Variants in ELP4 observed in about 807,000 individuals in gnomAD.
ELP4 encodes the protein elongator complex protein 4.
ELP4 carries 51 observed loss-of-function variants against 48.9 expected under a neutral mutation model. The ratio of observed to expected loss-of-function variants is 1.04; its 90% CI spans 0.83 to 1.32. ELP4 has a LOEUF of 1.32. ELP4 is among the 40% of genes most tolerant of loss of function. The probability of loss-of-function intolerance (pLI) is 0.00; values close to 1 mark genes in which losing one functional copy is unlikely to be tolerated. For synonymous variants in ELP4, 210 were observed against 189.2 expected (o/e 1.11, Z -0.90); for missense variants, 519 against 514.6 (o/e 1.01, Z -0.08).
intron 9 of ELP4, among the ~76,000 whole-genome samples, chr11:31,678,539 GTGTA>G (rs1242151294): frequency 0.044 from 3,309 of 75,188 alleles, 61 homozygotes; most frequent in African/African-American, 0.13. Context: ...GTGTGTGTGT[GTGTA>G]TATGTGCATT....
At chr11:31,668,658 G>A (rs988912259) in intron 9 of ELP4, among the ~76,000 whole-genome samples, 5 of 131,326 alleles carry the variant, frequency 3.8e-5, no homozygotes, top group African/African-American at 5.4e-5. Flanking sequence ...ATATCGGAAT[G>A]AAATTTCCTT....
At chr11:31,740,298 A>G (rs1947416456) in intron 9 of ELP4, among the ~76,000 whole-genome samples, 1 of 152,164 alleles carries the variant, frequency 6.6e-6, no homozygotes, top group Non-Finnish European at 1.5e-5. Flanking sequence ...CAGAGGATAG[A>G]TTTTGTTTGG....
chr11:31,786,033 G>A lies in ELP4; in HGVS notation c.*2509G>A, dbSNP rs1243192643. 2 of 204,412 alleles carry A rather than the reference G, an allele frequency of 9.8e-6. No homozygotes were observed. The highest frequency in any genetic ancestry group is 4.6e-5 in the African/African-American group (2 of 43,764). The allele number at this position is 204,412 out of a possible 1,614,324, so 12.7% of individuals were successfully genotyped here. On this transcript the variant is annotated 3_prime_UTR_variant, in exon 10 of 10. Transcript: ENST00000640961. ...ACATGAGATAAATATTTTGACTACTGCAGTTTGCTCAGGTGCTCGGGTTCT... is the reference window on the plus strand; with the variant it reads ...ACATGAGATAAATATTTTGACTACTACAGTTTGCTCAGGTGCTCGGGTTCT...
At chr11:31,748,824 C>A (rs1235893375) in intron 9 of ELP4, among the ~76,000 whole-genome samples, 1 of 151,988 alleles carries the variant, frequency 6.6e-6, no homozygotes, top group South Asian at 2.1e-4. Flanking sequence ...GTGGACATAG[C>A]AAGACCCCAT....
At chr11:31,535,229 A>G (rs1956480711) in intron 2 of ELP4, among the ~76,000 whole-genome samples, 1 of 152,240 alleles carries the variant, frequency 6.6e-6, no homozygotes, top group Admixed American at 6.5e-5. Flanking sequence ...CTAAGAAGGT[A>G]TCTAAACAAC....
chr11:31,697,646 A>G (rs1946438985), intron 9 of ELP4, among the ~76,000 whole-genome samples: 1 of 152,156 alleles, frequency 6.6e-6, no homozygotes, highest in Non-Finnish European at 1.5e-5. Context: ...TGGTACTTAC[A>G]CAACTCATAA....
At chr11:31,583,120 G>A (rs1194839888) in intron 3 of ELP4, among the ~76,000 whole-genome samples, 1 of 152,064 alleles carries the variant, frequency 6.6e-6, no homozygotes, top group Admixed American at 6.6e-5. Context: ...AGGATCTGTA[G>A]GTCTTTATGG....
chr11:31,528,077 T>C (rs1474619270), intron 2 of ELP4, among the ~76,000 whole-genome samples: 3 of 152,148 alleles, frequency 2.0e-5, no homozygotes, highest in Non-Finnish European at 4.4e-5. Flanking sequence ...AACTACTGCT[T>C]TCCTTCCCTT....
intron 9 of ELP4, among the ~76,000 whole-genome samples, chr11:31,704,883 C>T (rs1383199697): frequency 4.0e-5 from 6 of 151,484 alleles, no homozygotes; most frequent in South Asian, 4.2e-4. Flanking sequence ...TGGTGGTGCG[C>T]GCCTATAGTC....
At chr11:31,563,279 G>A (rs1285647993) in intron 3 of ELP4, among the ~76,000 whole-genome samples, 1 of 152,118 alleles carries the variant, frequency 6.6e-6, no homozygotes, top group Admixed American at 6.5e-5. Context: ...TAATGCATTG[G>A]TGATTAAGAG....
At chr11:31,686,390 A>C (rs911269727) in intron 9 of ELP4, among the ~76,000 whole-genome samples, 9 of 147,610 alleles carry the variant, frequency 6.1e-5, no homozygotes, top group Non-Finnish European at 1.2e-4. Context: ...GTACAAACAT[A>C]TTCACTATAA....
chr11:31,691,196 G>A (rs761505812), intron 9 of ELP4, among the ~76,000 whole-genome samples: 7 of 151,824 alleles, frequency 4.6e-5, no homozygotes, highest in Non-Finnish European at 7.4e-5. Flanking sequence ...AAATGATGAA[G>A]GCATGTTACA....
chr11:31,789,521 T>C lies in ELP4; in HGVS notation c.*5997T>C. 2 of 595,550 alleles carry C rather than the reference T, an allele frequency of 3.4e-6. No individual in the cohort carries two copies. Among genetic ancestry groups the C allele is most frequent in the Non-Finnish European group, 5.9e-6 (2 of 339,304 alleles). 36.9% of individuals were successfully genotyped at this position (595,550 alleles called of 1,614,324 possible). ...AACAGATGGGTAGAAGTATTCGATA[T>C]ATCTTGATAAAACTCTTAAATTCGT... On this transcript the variant is annotated 3_prime_UTR_variant, in exon 10 of 10. Transcript: ENST00000640961.
intron 9 of ELP4, among the ~76,000 whole-genome samples, chr11:31,781,450 A>G (rs1339967916): frequency 2.1e-5 from 3 of 141,230 alleles, no homozygotes; most frequent in Admixed American, 1.4e-4. Flanking sequence ...TTGTAACCCC[A>G]AACTTTAGAA....
intron 9 of ELP4, among the ~76,000 whole-genome samples, chr11:31,732,908 C>T (rs1412028833): frequency 6.6e-6 from 1 of 151,984 alleles, no homozygotes; most frequent in Non-Finnish European, 1.5e-5. Flanking sequence ...ATCAGAGCAC[C>T]CAAATAGATG....
chr11:31,729,847 C>A (rs891131645), intron 9 of ELP4, among the ~76,000 whole-genome samples: 1 of 152,178 alleles, frequency 6.6e-6, no homozygotes, highest in Non-Finnish European at 1.5e-5. Flanking sequence ...GACTACAGCA[C>A]CATTAGTTTG....
intron 4 of ELP4, among the ~76,000 whole-genome samples, chr11:31,602,526 G>A (rs555087162): frequency 2.0e-5 from 3 of 151,740 alleles, no homozygotes; most frequent in East Asian, 3.9e-4. Context: ...AGGGATGAAC[G>A]GTCATTTCAT....
At chr11:31,618,565 G>A (rs896774707) in intron 5 of ELP4, among the ~76,000 whole-genome samples, 1 of 151,918 alleles carries the variant, frequency 6.6e-6, no homozygotes, top group Non-Finnish European at 1.5e-5. Flanking sequence ...CACTTAATAC[G>A]GTAACAATGG....
At chr11:31,619,109 A>G (rs1001684434) in intron 5 of ELP4, among the ~76,000 whole-genome samples, 2 of 151,930 alleles carry the variant, frequency 1.3e-5, no homozygotes, top group Admixed American at 1.3e-4. Flanking sequence ...GGTAAATGAG[A>G]TGGGACAAGT....
Sources: gnomAD v4.1 joint callset for allele counts (sites outside exome capture counted in the v4.1 genomes callset) on GRCh38, gnomAD v4.1.1 for gene constraint, MANE v1.5 for transcripts, NCBI Gene and HGNC (gene_info 2026-07-23, HGNC 2026-07-21) for gene names.